Variants in OSBPL3 observed in about 807,000 individuals in gnomAD.
The protein encoded by OSBPL3 is oxysterol binding protein like 3, also known as oxysterol-binding protein-related protein 3.
In OSBPL3, 65 loss-of-function variants were observed where a neutral mutation model predicts 120.1. The ratio of observed to expected loss-of-function variants is 0.54; its 90% CI spans 0.44 to 0.67. The LOEUF is 0.67. Among genes scored for constraint, OSBPL3 ranks in the 30% least tolerant of loss-of-function variants. OSBPL3 has a pLI of 0.00. For missense variants in OSBPL3, 1,004 were observed against 1,082.1 expected (o/e 0.93, Z 1.01); for synonymous variants, 416 against 402.6 (o/e 1.03, Z -0.40).
intron 2 of OSBPL3, among the ~76,000 whole-genome samples, chr7:24,889,318 A>G (rs2128332556): frequency 6.6e-6 from 1 of 152,344 alleles, no homozygotes; most frequent in Middle Eastern, 3.4e-3. Flanking sequence ...ACAGAAACAG[A>G]GGATGGAATG....
intron 18 of OSBPL3, among the ~76,000 whole-genome samples, chr7:24,816,297 G>A (rs2128131086): frequency 6.6e-6 from 1 of 152,280 alleles, no homozygotes; most frequent in East Asian, 1.9e-4. Context: ...CAAAGTGCTG[G>A]GATTACAGAT....
chr7:24,848,482 G>T (rs1036586497), intron 12 of OSBPL3, among the ~76,000 whole-genome samples: 1 of 152,100 alleles, frequency 6.6e-6, no homozygotes, highest in African/African-American at 2.4e-5. Flanking sequence ...TTTTAAACAT[G>T]CAAAGACTAT....
chr7:24,878,105 C>A (rs1361424782), intron 2 of OSBPL3, among the ~76,000 whole-genome samples: 1 of 152,228 alleles, frequency 6.6e-6, no homozygotes, highest in Non-Finnish European at 1.5e-5. Flanking sequence ...ATTGCAAAGG[C>A]AGCTAAGCAT....
At chr7:24,856,362 G>A (rs1011350554) in intron 10 of OSBPL3, among the ~76,000 whole-genome samples, 1 of 151,910 alleles carries the variant, frequency 6.6e-6, no homozygotes, top group Non-Finnish European at 1.5e-5. Flanking sequence ...TATAATAGAT[G>A]GAATGTTTGG....
In OSBPL3 at chr7:24,972,171, C is replaced by A. The variant is rs1438028594; in HGVS notation, c.-150+7715G>T. ...AAAAACTCAACTTTGGATTCAACTC[C>A]CATTAGCAAATAAACAAACCTGTGT... On this transcript the variant is annotated intron_variant, in intron 1 of 22. Coordinates refer to ENST00000313367, the MANE Select transcript of OSBPL3 (RefSeq NM_015550.4). The surrounding 1 kb of genome is among the most constrained non-coding windows in gnomAD (Gnocchi z 4.3). Among the ~76,000 whole-genome samples, 2 of 152,186 alleles carry A rather than the reference C, an allele frequency of 1.3e-5. No individual in the cohort carries two copies. The highest frequency in any genetic ancestry group is 2.9e-5 in the Non-Finnish European group (2 of 68,042).
chr7:24,812,919 C>T (rs1000009136), intron 19 of OSBPL3, among the ~76,000 whole-genome samples: 1 of 152,052 alleles, frequency 6.6e-6, no homozygotes, highest in African/African-American at 2.4e-5. Flanking sequence ...TATTCTGTTC[C>T]CCAGAGTAGA....
At chr7:24,979,670 G>A (rs1285101755) in intron 1 of OSBPL3, among the ~76,000 whole-genome samples, 1 of 152,116 alleles carries the variant, frequency 6.6e-6, no homozygotes, top group African/African-American at 2.4e-5. Flanking sequence ...CCTGGGGTGG[G>A]TGAGACCCGG....
In OSBPL3 at chr7:24,965,808, C is replaced by T. The variant is rs1436818285; in HGVS notation, c.-150+14078G>A. Among the ~76,000 whole-genome samples, 2 of 152,174 alleles carry T rather than the reference C, an allele frequency of 1.3e-5. No homozygotes were observed. The highest frequency in any genetic ancestry group is 2.9e-5 in the Non-Finnish European group (2 of 68,026). ...TCAAGCAATCCTCCCACCTCAGCCT[C>T]CCAAAGTGTTGGGATTACAGGCATT... is the stretch of plus-strand genomic sequence containing the variant. On this transcript the variant is annotated intron_variant, in intron 1 of 22. Transcript: ENST00000313367. The surrounding 1 kb of genome is among the most constrained non-coding windows in gnomAD (Gnocchi z 4.3).
rs373541770 is a variant in OSBPL3, at chr7:24,806,853, C to T, written c.2367G>A (p.Ala789=). ...YEQYYSFTQF[A]LELNEMDPSS... ...ATGGATCCATTTCATTTAATTCCAG[C>T]GCAAACTGTGTGAAGCTATAGTATT... Residue 789 remains alanine (A), a synonymous_variant, in exon 21 of 23, where the codon GCG becomes GCA. Transcript: ENST00000313367. The surrounding 1 kb of genome is among the most constrained non-coding windows in gnomAD (Gnocchi z 5.2). The T allele has an allele frequency of 6.1e-4, 985 of 1,613,716 alleles. 1 individual carries two copies. Among genetic ancestry groups the T allele is most frequent in the Non-Finnish European group, 7.9e-4 (936 of 1,179,650 alleles).
At position 24,936,607 on chromosome 7, in the gene OSBPL3, CAGGT is replaced by C. The variant is rs749213433; in HGVS notation, c.-150+43275_-150+43278del. 4.6e-5 allele frequency among the ~76,000 whole-genome samples: 7 copies of C among 152,110 alleles called. No homozygotes were observed. The highest frequency in any genetic ancestry group is 1.0e-4 in the Non-Finnish European group (7 of 68,016). On this transcript the variant is annotated intron_variant, in intron 1 of 22. Coordinates refer to ENST00000313367, the MANE Select transcript of OSBPL3 (RefSeq NM_015550.4). The surrounding 1 kb of genome is among the most constrained non-coding windows in gnomAD (Gnocchi z 4.2). ...TGAAACCTCCTATTTGGGCTTCTGC[CAGGT>C]GGCAAAGAGAAAATGAAAATAGGGG...
chr7:24,872,271 GT>G lies in OSBPL3; in HGVS notation c.97-203del, dbSNP rs1802234580. 6.6e-6 allele frequency among the ~76,000 whole-genome samples: 1 copy of G among 151,698 alleles called. No individual in the cohort carries two copies. On this transcript the variant is annotated intron_variant, in intron 2 of 22. Coordinates refer to ENST00000313367, the MANE Select transcript of OSBPL3 (RefSeq NM_015550.4). This position sits in a 1 kb window ranked among gnomAD's most constrained non-coding sequence, Gnocchi z 4.1. ...TATAATTTAGTGGCATCAAATTTTG[GT>G]TTTTTTAAAGCTCTTTTTTTTTTAG...
chr7:24,980,211 C>A, upstream of OSBPL3: 1 of 253,770 alleles, frequency 3.9e-6, no homozygotes, highest in Non-Finnish European at 6.2e-6. Flanking sequence ...GCCCGAGGAG[C>A]CGCGCAAGGG....
rs373257329 is a variant in OSBPL3 at position 24,917,144 on chromosome 7, G to C, written c.-149-24523C>G. On this transcript the variant is annotated intron_variant, in intron 1 of 22. Coordinates refer to ENST00000313367, the MANE Select transcript of OSBPL3 (RefSeq NM_015550.4). Reference sequence around the variant, plus strand: ...TATCTACTACCCCAGCACCATTATAGTGGTCCATATTTTGTTTATTCTATA... The same window carrying C: ...TATCTACTACCCCAGCACCATTATACTGGTCCATATTTTGTTTATTCTATA... Among the ~76,000 whole-genome samples the C allele has an allele frequency of 7.6e-4, 115 of 151,910 alleles. 2 individuals are homozygous for C. The South Asian group carries it at 0.024, about 31-fold the overall frequency.
intron 20 of OSBPL3, among the ~76,000 whole-genome samples, chr7:24,807,300 C>T: frequency 8.6e-6 from 1 of 116,492 alleles, no homozygotes; most frequent in East Asian, 5.5e-4. Flanking sequence ...CGAGACCAGC[C>T]TGGCCAACAT....
intron 2 of OSBPL3, among the ~76,000 whole-genome samples, chr7:24,876,125 T>G (rs886472105): frequency 1.3e-5 from 2 of 152,230 alleles, no homozygotes; most frequent in African/African-American, 4.8e-5. Context: ...CACTTGTGCT[T>G]AAGTCAACAA....
Position 24,912,087 on chromosome 7 carries a change from A to T in OSBPL3, c.-149-19466T>A, listed in dbSNP as rs1014952990. The stretch of plus-strand genomic sequence containing the variant: ...ACGGTAGGTAGTAGGTTATTTGTTT[A>T]TCAAATTGATAACCTGTGTTCCCTC... On this transcript the variant is annotated intron_variant, in intron 1 of 22. Coordinates refer to ENST00000313367, the MANE Select transcript of OSBPL3 (RefSeq NM_015550.4). The surrounding 1 kb of genome is among the most constrained non-coding windows in gnomAD (Gnocchi z 4.5). Among the ~76,000 whole-genome samples, 5 of 152,192 alleles carry T rather than the reference A, an allele frequency of 3.3e-5. No individual in the cohort carries two copies. Among genetic ancestry groups the T allele is most frequent in the African/African-American group, 1.2e-4 (5 of 41,450 alleles).
chr7:24,904,954 TGTGTGTGA>T (rs1419810045), intron 1 of OSBPL3, among the ~76,000 whole-genome samples: 34 of 148,348 alleles, frequency 2.3e-4, no homozygotes, highest in East Asian at 1.7e-3. Flanking sequence ...TGTGTGTGTG[TGTGTGTGA>T]ATAAAGTTAA....
chr7:24,859,731 C>A (rs951889339), intron 10 of OSBPL3, among the ~76,000 whole-genome samples: 1 of 152,110 alleles, frequency 6.6e-6, no homozygotes, highest in African/African-American at 2.4e-5. Context: ...CATAATGATA[C>A]CTACTTCGCA....
chr7:24,979,845 C>G, intron 1 of OSBPL3, 41 bp downstream of exon 1: 1 of 971,580 alleles, frequency 1.0e-6, no homozygotes, highest in Non-Finnish European at 1.2e-6. Flanking sequence ...CCAGGCCCCC[C>G]GACACCCAGG....
Sources: allele counts gnomAD v4.1 joint callset (sites outside exome capture counted in the v4.1 genomes callset), GRCh38; gene constraint gnomAD v4.1.1; non-coding constraint Gnocchi (gnomAD v3.1); transcripts MANE v1.5; gene names NCBI Gene and HGNC (gene_info 2026-07-23, HGNC 2026-07-21).